NRG1: variants seen among roughly 807,000 people sequenced by gnomAD.
NRG1 encodes the protein neuregulin 1, also known as pro-neuregulin-1, membrane-bound isoform.
NRG1 carries 18 observed loss-of-function variants against 63.8 expected under a neutral mutation model. The ratio of observed to expected loss-of-function variants is 0.28; its 90% confidence interval spans 0.19 to 0.42. The LOEUF (loss-of-function observed/expected upper bound fraction) is 0.42. Among genes scored for constraint, NRG1 ranks in the 10% least tolerant of loss-of-function variants. NRG1 has a pLI of 1.00. For synonymous variants in NRG1, 302 were observed against 301.3 expected (o/e 1.00, Z -0.02); for missense variants, 762 against 814.7 (o/e 0.94, Z 0.79).
chr8:32,554,958 T>C (rs1317272708), intron 1 of NRG1, among the ~76,000 whole-genome samples: 1 of 152,076 alleles, frequency 6.6e-6, no homozygotes, highest in South Asian at 2.1e-4. Flanking sequence ...TGCAGTATTC[T>C]GGGCAATCTA....
At chr8:31,894,639 C>T (rs1831425360) in intron 1 of NRG1, among the ~76,000 whole-genome samples, 1 of 151,308 alleles carries the variant, frequency 6.6e-6, no homozygotes, top group Non-Finnish European at 1.5e-5. Context: ...CGAGCTCCGC[C>T]TCCCGGGTTC....
intron 1 of NRG1, among the ~76,000 whole-genome samples, chr8:31,821,356 T>A (rs779720411): frequency 6.6e-6 from 1 of 152,210 alleles, no homozygotes; most frequent in Non-Finnish European, 1.5e-5. Flanking sequence ...TGTAATTGAA[T>A]GCTAAGGCCA....
chr8:32,715,788 C>T (rs558484809), intron 5 of NRG1, among the ~76,000 whole-genome samples: 23 of 152,094 alleles, frequency 1.5e-4, no homozygotes, highest in African/African-American at 5.1e-4. Flanking sequence ...CCTCCTGAGG[C>T]GTGTGCCACC....
chr8:32,763,027 T>C lies in NRG1; in HGVS notation c.1260-721T>C, dbSNP rs560679890. On this transcript the variant is annotated intron_variant, in intron 11 of 11. Coordinates refer to ENST00000356819, the Ensembl canonical transcript of NRG1. ...GACCAAAGATTGGACATAACCTCCA[T>C]TGTGGTAACTGTGAAGCCAAATTAG... is the stretch of plus-strand genomic sequence containing the variant. Among the ~76,000 whole-genome samples the C allele has an allele frequency of 8.5e-5, 13 of 152,280 alleles. No individual in the cohort carries two copies. In the East Asian group the frequency reaches 2.5e-3, roughly 29 times the overall value.
In NRG1 at chr8:32,504,228, A is replaced by C. The variant is rs888118320; in HGVS notation, c.38-91600A>C. ...CAGCTGCAACCAATTATTATTTTAG[A>C]GAGACAGTTAAGGACTGCCTGTCCA... On this transcript the variant is annotated intron_variant, in intron 1 of 10. Coordinates refer to the NRG1 transcript ENST00000519301. Among the ~76,000 whole-genome samples the C allele has an allele frequency of 3.3e-5, 5 of 152,154 alleles. 1 individual carries two copies. Among genetic ancestry groups the C allele is most frequent in the African/African-American group, 1.2e-4 (5 of 41,494 alleles).
intron 1 of NRG1, among the ~76,000 whole-genome samples, chr8:31,943,545 A>AATAC (rs1203690725): frequency 6.6e-6 from 1 of 151,784 alleles, no homozygotes; most frequent in Non-Finnish European, 1.5e-5. Flanking sequence ...TAAATAAATA[A>AATAC]ATAAATAAAT....
At chr8:32,428,805 A>G (rs1227285280) in intron 1 of NRG1, among the ~76,000 whole-genome samples, 1 of 152,148 alleles carries the variant, frequency 6.6e-6, no homozygotes, top group Non-Finnish European at 1.5e-5. Context: ...ACCTCCCTTG[A>G]AGATGTCTTT....
At chr8:32,416,938 G>A (rs1399115681) in intron 1 of NRG1, among the ~76,000 whole-genome samples, 1 of 152,110 alleles carries the variant, frequency 6.6e-6, no homozygotes. Context: ...CTCCCACCTT[G>A]GCCTCCCAAA....
chr8:32,515,267 C>T (rs1220798593), intron 1 of NRG1, among the ~76,000 whole-genome samples: 3 of 152,176 alleles, frequency 2.0e-5, no homozygotes, highest in South Asian at 2.1e-4. Context: ...TCCACAGCCT[C>T]GCCAGCATCT....
At chr8:32,368,379 G>A (rs1204357145) in intron 1 of NRG1, among the ~76,000 whole-genome samples, 2 of 151,978 alleles carry the variant, frequency 1.3e-5, no homozygotes, top group African/African-American at 4.8e-5. Flanking sequence ...GACCAGCCTG[G>A]GCAAGATAGC....
chr8:31,974,950 G>T (rs374599459), intron 1 of NRG1, among the ~76,000 whole-genome samples: 1 of 152,132 alleles, frequency 6.6e-6, no homozygotes. Context: ...CTTTCATGTC[G>T]CAGGGCACCT....
intron 1 of NRG1, among the ~76,000 whole-genome samples, chr8:32,172,075 G>A (rs912285924): frequency 2.0e-5 from 3 of 152,158 alleles, no homozygotes; most frequent in Non-Finnish European, 4.4e-5. Context: ...CCCCTGAGTA[G>A]CCTAACTGGG....
intron 1 of NRG1, among the ~76,000 whole-genome samples, chr8:32,511,591 G>A (rs541156919): frequency 6.6e-6 from 1 of 151,766 alleles, no homozygotes; most frequent in Non-Finnish European, 1.5e-5. Context: ...TTAAAGAAGC[G>A]ACAGTAGTTA....
chr8:31,902,605 C>A (rs747104936), intron 1 of NRG1, among the ~76,000 whole-genome samples: 2 of 151,806 alleles, frequency 1.3e-5, no homozygotes, highest in African/African-American at 4.8e-5. Flanking sequence ...AGGATGGGTA[C>A]AAAAGTCATT....
At chr8:32,463,798 A>C (rs12550467) in intron 1 of NRG1, among the ~76,000 whole-genome samples, 21,961 of 147,436 alleles carry the variant, frequency 0.15, 1,815 homozygotes, top group Admixed American at 0.27. Flanking sequence ...CCATGATTGC[A>C]CTACTGTACT....
At chr8:32,344,616 T>A (rs936108808) in intron 1 of NRG1, among the ~76,000 whole-genome samples, 10 of 143,920 alleles carry the variant, frequency 6.9e-5, no homozygotes, top group Non-Finnish European at 1.4e-4. Context: ...TTTTTTTTTT[T>A]TTTTTTTTTT....
At chr8:32,377,427 T>G (rs1469137656) in intron 1 of NRG1, among the ~76,000 whole-genome samples, 1 of 152,186 alleles carries the variant, frequency 6.6e-6, no homozygotes, top group African/African-American at 2.4e-5. Context: ...ATAAGACCAC[T>G]TGTCTCTGCA....
At chr8:32,542,521 T>C (rs1009466254) in intron 1 of NRG1, among the ~76,000 whole-genome samples, 6 of 152,254 alleles carry the variant, frequency 3.9e-5, no homozygotes, top group Admixed American at 3.3e-4. Context: ...TCCAAGCAAC[T>C]GAATTTCCCT....
At chr8:32,362,270 A>C (rs551997997) in intron 1 of NRG1, among the ~76,000 whole-genome samples, 1 of 152,320 alleles carries the variant, frequency 6.6e-6, no homozygotes, top group East Asian at 1.9e-4. Context: ...AGTAGACAAC[A>C]TATCTATCTT....
Sources: gnomAD v4.1 joint callset for allele counts (sites outside exome capture counted in the v4.1 genomes callset) on GRCh38, gnomAD v4.1.1 for gene constraint, MANE v1.5 for transcripts, NCBI Gene and HGNC (gene_info 2026-07-23, HGNC 2026-07-21) for gene names.